Variants in TOX observed in about 807,000 individuals in gnomAD.
TOX encodes the protein thymocyte selection-associated high mobility group box protein TOX.
Under a neutral mutation model 53.7 loss-of-function variants are expected in TOX, and 11 were observed. That is an observed-to-expected ratio of 0.20 (90% CI 0.13 to 0.34). The LOEUF is 0.34. TOX is among the 10% of genes least tolerant of loss of function. The probability of loss-of-function intolerance (pLI) is 1.00; values close to 1 mark genes in which losing one functional copy is unlikely to be tolerated. For synonymous variants in TOX, 225 were observed against 245.3 expected, an observed-to-expected ratio of 0.92 and a Z score of 0.77; for missense variants, 570 against 664.6, an observed-to-expected ratio of 0.86 and a Z score of 1.56.
rs1189978470 is a variant in TOX at position 58,991,082 on chromosome 8, G to A, written c.103-31074C>T. Reference sequence around the variant, plus strand: ...AAGAAAATTGAGGCAGAAAGGAAGTGTACAGCTAGGCTCAAACTCAGGCAG... The same window carrying A: ...AAGAAAATTGAGGCAGAAAGGAAGTATACAGCTAGGCTCAAACTCAGGCAG... On this transcript the variant is annotated intron_variant, in intron 1 of 8. Coordinates refer to ENST00000361421, the MANE Select transcript of TOX (RefSeq NM_014729.3). 2.6e-5 allele frequency among the ~76,000 whole-genome samples: 4 copies of A among 152,180 alleles called. No individual in the cohort carries two copies. In the East Asian group the frequency reaches 7.7e-4, roughly 29 times the overall value.
chr8:58,985,743 C>T (rs1187205131), intron 1 of TOX, among the ~76,000 whole-genome samples: 1 of 152,106 alleles, frequency 6.6e-6, no homozygotes, highest in African/African-American at 2.4e-5. Flanking sequence ...CAAATATCTG[C>T]TTCAGTAGTA....
At chr8:59,086,700 C>A (rs1804514862) in intron 1 of TOX, among the ~76,000 whole-genome samples, 1 of 152,128 alleles carries the variant, frequency 6.6e-6, no homozygotes, top group African/African-American at 2.4e-5. Context: ...GTCAAATGAG[C>A]AAATCTAAAA....
chr8:58,894,918 G>A (rs951007893), intron 3 of TOX, among the ~76,000 whole-genome samples: 2 of 144,938 alleles, frequency 1.4e-5, no homozygotes, highest in African/African-American at 2.6e-5. Context: ...GGCTGGGGGC[G>A]GTGACTCACG....
intron 1 of TOX, among the ~76,000 whole-genome samples, chr8:59,110,403 C>T (rs1298734848): frequency 6.6e-6 from 1 of 151,998 alleles, no homozygotes; most frequent in African/African-American, 2.4e-5. Context: ...GGTATGAAAA[C>T]ACTAATGCGT....
intron 5 of TOX, among the ~76,000 whole-genome samples, chr8:58,827,479 G>A (rs1054251191): frequency 6.6e-6 from 1 of 152,160 alleles, no homozygotes; most frequent in Admixed American, 6.6e-5. Context: ...GACACGTTTG[G>A]GAGAGGAATG....
intron 3 of TOX, among the ~76,000 whole-genome samples, chr8:58,879,074 C>T (rs1261997696): frequency 7.9e-6 from 1 of 127,060 alleles, no homozygotes; most frequent in Non-Finnish European, 1.7e-5. Flanking sequence ...AAAAAAAAAA[C>T]AAAAAAACTC....
rs1325549942 is a variant in TOX at position 59,117,483 on chromosome 8, A to C, written c.102+1403T>G. ...CATCGGCACACAGCACAGTCCTTTG[A>C]GTGGGTCTCACACTGGACACAGCAT... On this transcript the variant is annotated intron_variant, in intron 1 of 8. Transcript: ENST00000361421. The surrounding 1 kb of genome is among the most constrained non-coding windows in gnomAD (Gnocchi z 4.6). 6.6e-6 allele frequency among the ~76,000 whole-genome samples: 1 copy of C among 152,166 alleles called. No homozygotes were observed. Among genetic ancestry groups the C allele is most frequent in the Non-Finnish European group, 1.5e-5 (1 of 68,032 alleles).
At chr8:58,949,531 A>T (rs1812582318) in intron 2 of TOX, among the ~76,000 whole-genome samples, 1 of 152,196 alleles carries the variant, frequency 6.6e-6, no homozygotes, top group South Asian at 2.1e-4. Context: ...GCATATGAGA[A>T]AAATGAGGTC....
chr8:58,965,894 G>GTT (rs67045037), intron 1 of TOX, among the ~76,000 whole-genome samples: 2,938 of 49,510 alleles, frequency 0.059, 1,036 homozygotes, highest in Non-Finnish European at 0.075. Flanking sequence ...ACGAGTCATC[G>GTT]TTTTTTTTTT....
intron 3 of TOX, among the ~76,000 whole-genome samples, chr8:58,881,578 G>A (rs1034422087): frequency 6.6e-6 from 1 of 152,038 alleles, no homozygotes; most frequent in Non-Finnish European, 1.5e-5. Flanking sequence ...TACCAAGTTA[G>A]TGGGGTGTGG....
rs976814712 is a variant in TOX at position 58,807,845 on chromosome 8, G to A, written c.1545-62C>T. On this transcript the variant is annotated intron_variant, in intron 8 of 8. Transcript: ENST00000361421. ...GACAACCTGTGCTACAGGTGACAAT[G>A]GGGGGATGGATGTCTTTGAATTATT... 7 of 1,592,754 alleles carry A rather than the reference G, an allele frequency of 4.4e-6. No homozygotes were observed. In the African/African-American group the frequency reaches 9.4e-5, roughly 21 times the overall value.
rs145906556 is a variant in TOX, at chr8:58,828,079, T to A, written c.925-1177A>T. On this transcript the variant is annotated intron_variant, in intron 5 of 8. Transcript: ENST00000361421. Reference sequence around the variant, plus strand: ...GTGGCTTCAGAATTAGTCAGAGTAGTTAAATATAAATTATGTCTAAAGACC... The same window carrying A: ...GTGGCTTCAGAATTAGTCAGAGTAGATAAATATAAATTATGTCTAAAGACC... 3.2e-3 allele frequency among the ~76,000 whole-genome samples: 492 copies of A among 152,304 alleles called. 1 individual carries two copies. Among genetic ancestry groups the A allele is most frequent in the African/African-American group, 0.011 (452 of 41,572 alleles).
intron 1 of TOX, among the ~76,000 whole-genome samples, chr8:59,009,323 TTTCC>T (rs1243044977): frequency 4.6e-5 from 7 of 151,554 alleles, no homozygotes; most frequent in South Asian, 2.1e-4. Flanking sequence ...TCTTTCCTTC[TTTCC>T]TTCCTTCCTT....
intron 1 of TOX, among the ~76,000 whole-genome samples, chr8:59,063,845 C>T (rs936929795): frequency 6.6e-6 from 1 of 152,004 alleles, no homozygotes; most frequent in South Asian, 2.1e-4. Flanking sequence ...ATAGACATAT[C>T]TAAGTAAAGA....
chr8:58,968,853 C>T (rs1812950689), intron 1 of TOX, among the ~76,000 whole-genome samples: 1 of 152,064 alleles, frequency 6.6e-6, no homozygotes. Flanking sequence ...AAGAGAATGA[C>T]AGATGTATTA....
intron 3 of TOX, among the ~76,000 whole-genome samples, chr8:58,870,915 A>C (rs774616499): frequency 2.6e-5 from 4 of 152,132 alleles, no homozygotes; most frequent in Non-Finnish European, 5.9e-5. Flanking sequence ...CTTCACATAC[A>C]ATTAGCCATC....
At chr8:59,052,555 T>C (rs1187211825) in intron 1 of TOX, among the ~76,000 whole-genome samples, 1 of 152,212 alleles carries the variant, frequency 6.6e-6, no homozygotes, top group Non-Finnish European at 1.5e-5. Flanking sequence ...AATTTCTCCA[T>C]TTACCAGAAA....
intron 2 of TOX, among the ~76,000 whole-genome samples, chr8:58,952,574 A>G (rs1414326621): frequency 6.6e-6 from 1 of 152,234 alleles, no homozygotes; most frequent in Non-Finnish European, 1.5e-5. Flanking sequence ...AGACTGCAGT[A>G]GTGCTACAAC....
At chr8:59,082,620 T>C (rs1295303662) in intron 1 of TOX, among the ~76,000 whole-genome samples, 2 of 152,178 alleles carry the variant, frequency 1.3e-5, no homozygotes, top group African/African-American at 2.4e-5. Context: ...AAACAAGATA[T>C]GGACTTTGCC....
Sources: allele counts gnomAD v4.1 joint callset (sites outside exome capture counted in the v4.1 genomes callset), GRCh38; gene constraint gnomAD v4.1.1; non-coding constraint Gnocchi (gnomAD v3.1); transcripts MANE v1.5; gene names NCBI Gene and HGNC (gene_info 2026-07-23, HGNC 2026-07-21).